The following TSEN15 variants were observed in gnomAD, a reference collection of about 807,000 sequenced individuals.
The protein encoded by TSEN15 is tRNA splicing endonuclease subunit 15, also known as tRNA-splicing endonuclease subunit Sen15.
TSEN15 carries 10 observed loss-of-function variants against 20.5 expected under a neutral mutation model. The ratio of observed to expected loss-of-function variants is 0.49; its 90% CI spans 0.30 to 0.83. The LOEUF (loss-of-function observed/expected upper bound fraction) is 0.83, where lower values mean the gene tolerates loss of function less well. Ranked by LOEUF, TSEN15 falls within the 40% of genes least tolerant of loss-of-function variation. The probability of loss-of-function intolerance (pLI) is 0.06; values close to 1 mark genes in which losing one functional copy is unlikely to be tolerated. For synonymous variants in TSEN15, 72 were observed against 80.1 expected (o/e 0.90, Z 0.54); for missense variants, 180 against 218.6 (o/e 0.82, Z 1.11).
chr1:184,096,811 A>G (rs1226106796), exon 4 of TSEN15: 1 of 152,180 alleles, frequency 6.6e-6, no homozygotes, highest in African/African-American at 2.4e-5. Flanking sequence ...TATAATAACC[A>G]TCAGCTCTCG....
chr1:184,067,924 C>CAAAAAAAAAA (rs71130650), intron 3 of TSEN15, among the ~76,000 whole-genome samples: 1 of 54,884 alleles, frequency 1.8e-5, no homozygotes, highest in African/African-American at 9.3e-5. Flanking sequence ...CTCTCTCTCT[C>CAAAAAAAAAA]AAAAAAAAAA....
chr1:184,051,834 G>T lies in TSEN15; in HGVS notation c.79G>T (p.Gly27Cys). 6.5e-7 allele frequency: 1 copy of T among 1,548,042 alleles called. No individual in the cohort carries two copies. The change falls in exon 1 of 5, where the codon GGC (glycine) becomes TGC (cysteine). Residue 27 changes from glycine to cysteine, a missense_variant. Transcript: ENST00000645668. Reference sequence around the variant, plus strand: ...GGGCGGTGTTCGCGGCTTTGGCGACGGCGGTGGAGCTCCTTCGTGGGCCCC... The same window carrying T: ...GGGCGGTGTTCGCGGCTTTGGCGACTGCGGTGGAGCTCCTTCGTGGGCCCC... Reference protein sequence around the residue: ...GPGGVRGFGDGGGAPSWAPED... With the variant: ...GPGGVRGFGDCGGAPSWAPED...
intron 2 of TSEN15, 66 bp downstream of exon 2, chr1:184,054,501 G>A: frequency 7.7e-7 from 1 of 1,302,826 alleles, no homozygotes; most frequent in African/African-American, 1.5e-5. Flanking sequence ...GTTGGATTGG[G>A]ATATAGCATT....
chr1:184,080,148 C>T lies in TSEN15; in HGVS notation c.354-15542C>T, dbSNP rs559185683. ...CCCTTGAAAGGAGAAAATCTAGGTACAAAATAATTCAAGAGCATTACAAGG... is the reference window on the plus strand; with the variant it reads ...CCCTTGAAAGGAGAAAATCTAGGTATAAAATAATTCAAGAGCATTACAAGG... On this transcript the variant is annotated intron_variant, in intron 3 of 3. Coordinates refer to the TSEN15 transcript ENST00000643231. 3.3e-5 allele frequency among the ~76,000 whole-genome samples: 5 copies of T among 152,172 alleles called. No individual in the cohort carries two copies. In the South Asian group the frequency reaches 1.0e-3, roughly 32 times the overall value.
intron 3 of TSEN15, among the ~76,000 whole-genome samples, chr1:184,070,089 G>A (rs1234787269): frequency 2.0e-5 from 3 of 152,056 alleles, no homozygotes; most frequent in Middle Eastern, 6.8e-3. Context: ...TTTGGGGTAA[G>A]TATGAAAATG....
intron 1 of TSEN15, 83 bp downstream of exon 1, chr1:184,051,973 C>T (rs1395819130): frequency 3.9e-6 from 5 of 1,297,258 alleles, no homozygotes; most frequent in Admixed American, 6.8e-5. Context: ...TTTCTTTCTT[C>T]CTCAGTGGGA....
intron 3 of TSEN15, among the ~76,000 whole-genome samples, chr1:184,093,280 C>A (rs1188645633): frequency 6.6e-6 from 1 of 152,132 alleles, no homozygotes; most frequent in Non-Finnish European, 1.5e-5. Context: ...ACTGGATCTG[C>A]CTATGGCCTT....
intron 3 of TSEN15, among the ~76,000 whole-genome samples, chr1:184,081,606 C>T (rs1000347850): frequency 2.6e-5 from 4 of 152,096 alleles, no homozygotes; most frequent in Admixed American, 2.0e-4. Flanking sequence ...AGGAGAGAGC[C>T]GGCAGGTAGA....
At chr1:184,064,562 C>T (rs74131422) in intron 3 of TSEN15, among the ~76,000 whole-genome samples, 3,471 of 151,980 alleles carry the variant, frequency 0.023, 131 homozygotes, top group African/African-American at 0.079. Context: ...AACAAACAAA[C>T]AAACAGCTCT....
At chr1:184,068,156 T>C (rs951306679) in intron 3 of TSEN15, among the ~76,000 whole-genome samples, 2 of 151,624 alleles carry the variant, frequency 1.3e-5, no homozygotes, top group Non-Finnish European at 2.9e-5. Flanking sequence ...AAAGGACTTA[T>C]ATTAATTCTG....
chr1:184,077,758 G>A (rs1651091138), downstream of TSEN15, among the ~76,000 whole-genome samples: 1 of 152,168 alleles, frequency 6.6e-6, no homozygotes, highest in Admixed American at 6.6e-5. Flanking sequence ...TGCAGATGTG[G>A]TAGAAATAGC....
At chr1:184,058,281 G>T in intron 3 of TSEN15, 2 of 336,808 alleles carry the variant, frequency 5.9e-6, no homozygotes, top group Non-Finnish European at 1.1e-5. Context: ...AACTGAGAGA[G>T]CTTAAATCTT....
intron 3 of TSEN15, among the ~76,000 whole-genome samples, chr1:184,086,540 G>A (rs1030936765): frequency 6.6e-5 from 10 of 152,218 alleles, no homozygotes; most frequent in African/African-American, 2.4e-4. Flanking sequence ...TTTCCATGAA[G>A]ATATTAGCTA....
chr1:184,061,452 A>G (rs1650451729), intron 3 of TSEN15, among the ~76,000 whole-genome samples: 1 of 152,176 alleles, frequency 6.6e-6, no homozygotes, highest in African/African-American at 2.4e-5. Context: ...TACAAAGAGC[A>G]TATAGCACAT....
intron 3 of TSEN15, chr1:184,094,741 T>A (rs996252685): frequency 3.1e-6 from 1 of 327,112 alleles, no homozygotes; most frequent in Non-Finnish European, 5.5e-6. Context: ...CATCAAATGA[T>A]TCCCACCACA....
chr1:184,077,598 AC>A (rs1651088764), downstream of TSEN15, among the ~76,000 whole-genome samples: 1 of 152,168 alleles, frequency 6.6e-6, no homozygotes, highest in Admixed American at 6.6e-5. Context: ...GGCAAAGTAG[AC>A]TGACAACCTT....
chr1:184,063,038 C>T (rs1251708880), intron 3 of TSEN15, among the ~76,000 whole-genome samples: 1 of 152,012 alleles, frequency 6.6e-6, no homozygotes, highest in East Asian at 1.9e-4. Context: ...CCTTTCAAAC[C>T]TGACTAAATT....
chr1:184,051,809 G>A lies in TSEN15; in HGVS notation c.54G>A (p.Pro18=). 1 of 1,540,724 alleles carries A rather than the reference G, an allele frequency of 6.5e-7. No individual in the cohort carries two copies. The highest frequency in any genetic ancestry group is 8.7e-7 in the Non-Finnish European group (1 of 1,143,780). ...EPTPGCSGLG[P]GGVRGFGDGG... is the part of the protein sequence containing the mutation. ...CCCCCGGCTGCAGCGGCCTGGGTCC[G>A]GGCGGTGTTCGCGGCTTTGGCGACG... is the stretch of plus-strand genomic sequence containing the variant. Residue 18 remains proline (P), a synonymous_variant, in exon 1 of 5, where the codon CCG becomes CCA. Transcript: ENST00000645668.
intron 3 of TSEN15, among the ~76,000 whole-genome samples, chr1:184,055,257 C>T (rs1650206715): frequency 6.6e-6 from 1 of 151,952 alleles, no homozygotes; most frequent in African/African-American, 2.4e-5. Flanking sequence ...GGGGAGGTTC[C>T]ACACACTTTT....
Sources: gnomAD v4.1 joint callset for allele counts (sites outside exome capture counted in the v4.1 genomes callset) on GRCh38, gnomAD v4.1.1 for gene constraint, MANE v1.5 for transcripts, NCBI Gene and HGNC (gene_info 2026-07-23, HGNC 2026-07-21) for gene names.